Variants in CDKAL1 observed in about 807,000 individuals in gnomAD.
CDKAL1 encodes the protein threonylcarbamoyladenosine tRNA methylthiotransferase.
In CDKAL1, 32 loss-of-function variants were observed where a neutral mutation model predicts 68.2. The ratio of observed to expected loss-of-function variants is 0.47; its 90% CI spans 0.35 to 0.63. CDKAL1 has a LOEUF of 0.63. Among genes scored for constraint, CDKAL1 ranks in the 30% least tolerant of loss-of-function variants. CDKAL1 has a pLI of 0.00. For synonymous variants in CDKAL1, 234 were observed against 244.3 expected (o/e 0.96, Z 0.39); for missense variants, 606 against 696.7 (o/e 0.87, Z 1.47).
intron 8 of CDKAL1, among the ~76,000 whole-genome samples, chr6:20,834,737 T>C (rs1253174218): frequency 6.6e-6 from 1 of 152,206 alleles, no homozygotes. Context: ...GTATAATGTT[T>C]AGAGTAGTCA....
At chr6:20,811,770 T>A (rs1481451369) in intron 8 of CDKAL1, among the ~76,000 whole-genome samples, 16 of 150,460 alleles carry the variant, frequency 1.1e-4, no homozygotes, top group Admixed American at 9.9e-4. Context: ...ATTTTATCAA[T>A]TTTTTACCTA....
At chr6:21,182,176 AGAT>A (rs1162556163) in intron 13 of CDKAL1, among the ~76,000 whole-genome samples, 2 of 152,234 alleles carry the variant, frequency 1.3e-5, no homozygotes, top group Non-Finnish European at 2.9e-5. Context: ...TTTGTTATGA[AGAT>A]GATAACAAAA....
intron 9 of CDKAL1, among the ~76,000 whole-genome samples, chr6:20,863,009 A>G (rs1005376875): frequency 6.6e-6 from 1 of 152,208 alleles, no homozygotes; most frequent in Admixed American, 6.5e-5. Flanking sequence ...CTGGGCAACA[A>G]GAGCAAAACT....
chr6:21,117,097 A>G (rs1582232575), intron 13 of CDKAL1, among the ~76,000 whole-genome samples: 1 of 151,884 alleles, frequency 6.6e-6, no homozygotes. Flanking sequence ...CTTGATACAT[A>G]CCCTGCCCCA....
At chr6:21,170,608 G>A (rs762909965) in intron 13 of CDKAL1, among the ~76,000 whole-genome samples, 14 of 152,048 alleles carry the variant, frequency 9.2e-5, no homozygotes, top group South Asian at 2.1e-4. Flanking sequence ...GATTACAGGC[G>A]TGAGCCACCA....
intron 9 of CDKAL1, among the ~76,000 whole-genome samples, chr6:20,947,866 C>T (rs1432692350): frequency 1.3e-5 from 2 of 152,104 alleles, no homozygotes; most frequent in Non-Finnish European, 2.9e-5. Context: ...GTATCGCTTT[C>T]ACACCGTCAT....
chr6:20,778,243 C>T (rs1038833257), intron 7 of CDKAL1, among the ~76,000 whole-genome samples: 9 of 152,016 alleles, frequency 5.9e-5, no homozygotes, highest in South Asian at 2.1e-4. Flanking sequence ...AGATGTGACA[C>T]CAAAAGCATG....
At chr6:20,770,478 T>C (rs1048876302) in intron 7 of CDKAL1, among the ~76,000 whole-genome samples, 2 of 152,238 alleles carry the variant, frequency 1.3e-5, no homozygotes, top group African/African-American at 2.4e-5. Flanking sequence ...ATCCTAGTTA[T>C]GTATTTAGGC....
intron 5 of CDKAL1, among the ~76,000 whole-genome samples, chr6:20,693,966 A>G (rs1375614967): frequency 2.0e-5 from 3 of 151,012 alleles, no homozygotes; most frequent in South Asian, 2.1e-4. Flanking sequence ...TCGATCTCCC[A>G]GGCTCAGAGG....
chr6:20,637,842 C>T (rs998452337), intron 4 of CDKAL1, among the ~76,000 whole-genome samples: 7 of 152,090 alleles, frequency 4.6e-5, no homozygotes, highest in African/African-American at 1.7e-4. Flanking sequence ...TCTAGATTTT[C>T]CCCTTCTTAT....
intron 9 of CDKAL1, among the ~76,000 whole-genome samples, chr6:20,928,241 CAG>C (rs1763268842): frequency 6.6e-6 from 1 of 152,146 alleles, no homozygotes; most frequent in African/African-American, 2.4e-5. Flanking sequence ...CTGGTAATAT[CAG>C]AGTCTCTTTA....
chr6:20,546,044 A>G (rs1337800641), intron 2 of CDKAL1, among the ~76,000 whole-genome samples: 3 of 151,952 alleles, frequency 2.0e-5, no homozygotes, highest in Admixed American at 2.0e-4. Flanking sequence ...CTGTTATCTG[A>G]AACAGTTCCT....
chr6:20,839,460 G>GTGT (rs1778088572), intron 8 of CDKAL1, among the ~76,000 whole-genome samples: 1 of 152,172 alleles, frequency 6.6e-6, no homozygotes, highest in Admixed American at 6.6e-5. Flanking sequence ...CATTTTAAGT[G>GTGT]TGTTGCTCTG....
At chr6:21,065,520 A>G (rs116132701) in intron 12 of CDKAL1, among the ~76,000 whole-genome samples, 1,738 of 152,064 alleles carry the variant, frequency 0.011, 42 homozygotes, top group African/African-American at 0.04. Flanking sequence ...AAACTTTTGG[A>G]TGTTTCAAAA....
chr6:21,078,862 CCT>C (rs1415361022), intron 12 of CDKAL1, among the ~76,000 whole-genome samples: 1 of 152,060 alleles, frequency 6.6e-6, no homozygotes, highest in African/African-American at 2.4e-5. Flanking sequence ...TTATTTATAC[CCT>C]GTCACTTATG....
intron 10 of CDKAL1, among the ~76,000 whole-genome samples, chr6:20,987,961 T>C (rs1247258367): frequency 7.7e-6 from 1 of 130,426 alleles, no homozygotes; most frequent in Non-Finnish European, 1.7e-5. Flanking sequence ...TTTTTTTTTT[T>C]CACCTGTAGA....
At chr6:20,840,631 A>C (rs920485496) in intron 8 of CDKAL1, among the ~76,000 whole-genome samples, 1 of 152,160 alleles carries the variant, frequency 6.6e-6, no homozygotes, top group Non-Finnish European at 1.5e-5. Context: ...AGGGTTTTGG[A>C]AGTATATTCA....
chr6:20,869,417 T>C (rs1166821321), intron 9 of CDKAL1, among the ~76,000 whole-genome samples: 2 of 152,218 alleles, frequency 1.3e-5, no homozygotes, highest in Non-Finnish European at 2.9e-5. Context: ...GTAAACCACA[T>C]TGCATTTTCC....
At chr6:20,729,654 A>G (rs975256159) in intron 5 of CDKAL1, among the ~76,000 whole-genome samples, 1 of 152,208 alleles carries the variant, frequency 6.6e-6, no homozygotes, top group Non-Finnish European at 1.5e-5. Context: ...AGGAAATTCT[A>G]TTACAGGTAA....
Sources: allele counts gnomAD v4.1 joint callset (sites outside exome capture counted in the v4.1 genomes callset), GRCh38; gene constraint gnomAD v4.1.1; transcripts MANE v1.5; gene names NCBI Gene and HGNC (gene_info 2026-07-23, HGNC 2026-07-21).